Variants in DYNC2H1 observed in about 807,000 individuals in gnomAD.
DYNC2H1 encodes cytoplasmic dynein 2 heavy chain 1.
Under a neutral mutation model 570.0 loss-of-function variants are expected in DYNC2H1, and 410 were observed. The observed-to-expected ratio is 0.72, with a 90% CI of 0.66 to 0.78. The LOEUF is 0.78. Among genes scored for constraint, DYNC2H1 ranks in the 30% least tolerant of loss-of-function variants. DYNC2H1 has a pLI of 0.00. For synonymous variants in DYNC2H1, 1,688 were observed against 1,677.6 expected (o/e 1.01, Z -0.15); for missense variants, 4,865 against 5,046.4 (o/e 0.96, Z 1.09).
chr11:103,310,724 C>A (rs1434479218), intron 78 of DYNC2H1, among the ~76,000 whole-genome samples: 3 of 127,750 alleles, frequency 2.3e-5, no homozygotes, highest in African/African-American at 8.4e-5. Flanking sequence ...GCTCTGTGCC[C>A]AGGCTGGAGA....
In DYNC2H1 at chr11:103,177,352, T is replaced by C. The variant is rs1418729065; in HGVS notation, c.5875-204T>C. Among the ~76,000 whole-genome samples, 1 of 152,156 alleles carries C rather than the reference T, an allele frequency of 6.6e-6. No individual in the cohort carries two copies. Among genetic ancestry groups the C allele is most frequent in the East Asian group, 1.9e-4 (1 of 5,200 alleles). On this transcript the variant is annotated intron_variant, in intron 37 of 88. Coordinates refer to ENST00000375735, the MANE Select transcript of DYNC2H1 (RefSeq NM_001377.3). This position sits in a 1 kb window ranked among gnomAD's most constrained non-coding sequence, Gnocchi z 4.4. ...AACCTGGAAAGCACCTTTGTTTCTT[T>C]TAAAGAAATATTGAAGTATTTAAAG...
chr11:103,190,973 T>A (rs1349261875), intron 45 of DYNC2H1, among the ~76,000 whole-genome samples: 1 of 150,198 alleles, frequency 6.7e-6, no homozygotes, highest in Non-Finnish European at 1.5e-5. Flanking sequence ...TTTTTTTTTT[T>A]TTGGCCATCT....
chr11:103,348,946 A>G (rs1322137250), intron 82 of DYNC2H1, among the ~76,000 whole-genome samples: 2 of 152,066 alleles, frequency 1.3e-5, no homozygotes, highest in African/African-American at 4.8e-5. Context: ...CTCCTACTCC[A>G]TGTGAAGAAG....
Position 103,151,805 on chromosome 11 carries a change from C to A in DYNC2H1, c.2947-331C>A, listed in dbSNP as rs1006173587. On this transcript the variant is annotated intron_variant, in intron 20 of 88. Coordinates refer to ENST00000375735, the MANE Select transcript of DYNC2H1 (RefSeq NM_001377.3). This position sits in a 1 kb window ranked among gnomAD's most constrained non-coding sequence, Gnocchi z 4.6. ...TCTTTAGCATTTTCTTGTGAATGGA[C>A]CATTTATAATAAGAACTTTACTTTG... Among the ~76,000 whole-genome samples the A allele has an allele frequency of 2.6e-5, 4 of 151,984 alleles. No homozygotes were observed. Among genetic ancestry groups the A allele is most frequent in the African/African-American group, 9.7e-5 (4 of 41,382 alleles).
intron 82 of DYNC2H1, among the ~76,000 whole-genome samples, chr11:103,356,073 G>A (rs1940320948): frequency 6.6e-6 from 1 of 151,840 alleles, no homozygotes; most frequent in Non-Finnish European, 1.5e-5. Flanking sequence ...GTTAATTATG[G>A]GTAGAAAGTG....
At chr11:103,429,423 G>A (rs959525940) in intron 84 of DYNC2H1, among the ~76,000 whole-genome samples, 1 of 151,236 alleles carries the variant, frequency 6.6e-6, no homozygotes, top group Non-Finnish European at 1.5e-5. Context: ...TCCTTAGTTT[G>A]CTCATGTACC....
rs1228502667 is a variant in DYNC2H1 at position 103,177,307 on chromosome 11, A to G, written c.5875-249A>G. Among the ~76,000 whole-genome samples the G allele has an allele frequency of 6.6e-6, 1 of 152,158 alleles. No homozygotes were observed. The highest frequency in any genetic ancestry group is 1.9e-4 in the East Asian group (1 of 5,188). ...GCAAGTAACGAACATAATTGTTCATACAAGTTTTTTGAACTTGGAAACCTG... is the reference window on the plus strand; with the variant it reads ...GCAAGTAACGAACATAATTGTTCATGCAAGTTTTTTGAACTTGGAAACCTG... On this transcript the variant is annotated intron_variant, in intron 37 of 88. Coordinates refer to ENST00000375735, the MANE Select transcript of DYNC2H1 (RefSeq NM_001377.3). The surrounding 1 kb of genome is among the most constrained non-coding windows in gnomAD (Gnocchi z 4.4).
intron 82 of DYNC2H1, among the ~76,000 whole-genome samples, chr11:103,344,623 T>A (rs1939643399): frequency 6.6e-6 from 1 of 152,204 alleles, no homozygotes; most frequent in South Asian, 2.1e-4. Context: ...AAACAGACTG[T>A]TTTTGAGCAT....
At chr11:103,437,585 G>A (rs1944109515) in intron 85 of DYNC2H1, among the ~76,000 whole-genome samples, 1 of 152,112 alleles carries the variant, frequency 6.6e-6, no homozygotes, top group Non-Finnish European at 1.5e-5. Context: ...CTCTGATTTA[G>A]TCATCTTTCT....
At position 103,261,856 on chromosome 11, in the gene DYNC2H1, A is replaced by G. The variant is rs1023642590; in HGVS notation, c.10695+1879A>G. 6.6e-6 allele frequency among the ~76,000 whole-genome samples: 1 copy of G among 152,192 alleles called. No individual in the cohort carries two copies. The highest frequency in any genetic ancestry group is 1.5e-5 in the Non-Finnish European group (1 of 68,030). ...AACTGGACGGAGAATGAGTTTGATGAACTGACAGAAGTAGGCTTCAGAAGG... is the reference window on the plus strand; with the variant it reads ...AACTGGACGGAGAATGAGTTTGATGGACTGACAGAAGTAGGCTTCAGAAGG... On this transcript the variant is annotated intron_variant, in intron 70 of 88. Coordinates refer to ENST00000375735, the MANE Select transcript of DYNC2H1 (RefSeq NM_001377.3). This position sits in a 1 kb window ranked among gnomAD's most constrained non-coding sequence, Gnocchi z 4.8.
At chr11:103,195,442 T>C (rs534011641) in intron 47 of DYNC2H1, among the ~76,000 whole-genome samples, 1 of 152,324 alleles carries the variant, frequency 6.6e-6, no homozygotes, top group East Asian at 1.9e-4. Context: ...CTGAATTGCT[T>C]TTGCAGCTTT....
At position 103,211,941 on chromosome 11, in the gene DYNC2H1, C is replaced by G. The variant is rs1158593749; in HGVS notation, c.8692C>G (p.Gln2898Glu). ...ATTATTAAAAAGACAAAGTCATTTG[C>G]AGGTATAGTATTGGTAATCTTGAAT... ...KELLKRQSHL[Q>E]AGVSKLNEAK... is the part of the protein sequence containing the mutation. The change falls in exon 54 of 89, where the codon CAG becomes GAG. Residue 2898 changes from glutamine to glutamate, a missense_variant and splice_region_variant. Physicochemically the swap from Gln to Glu is conservative, Grantham distance 29 (BLOSUM62 2). This residue lies in a region of DYNC2H1 where 2,401 missense variants were observed against 2,454.6 expected (regional missense o/e 0.98). Transcript: ENST00000375735. 1.3e-6 allele frequency: 2 copies of G among 1,518,674 alleles called. No homozygotes were observed. The highest frequency in any genetic ancestry group is 1.4e-5 in the African/African-American group (1 of 72,000). 94.1% of individuals were successfully genotyped at this position (1,518,674 alleles called of 1,614,324 possible).
At chr11:103,399,175 C>G (rs1591684968) in intron 83 of DYNC2H1, among the ~76,000 whole-genome samples, 1 of 139,068 alleles carries the variant, frequency 7.2e-6, no homozygotes, top group African/African-American at 2.8e-5. Flanking sequence ...TGGAGTCTCA[C>G]TCTGTCGCCC....
At chr11:103,338,065 G>A (rs773206763) in intron 82 of DYNC2H1, among the ~76,000 whole-genome samples, 2 of 152,184 alleles carry the variant, frequency 1.3e-5, no homozygotes, top group Non-Finnish European at 2.9e-5. Context: ...TTGAGAGACA[G>A]CTGTCTAGTT....
intron 56 of DYNC2H1, 112 bp from the exon 57 acceptor site, chr11:103,220,511 A>G (rs931646936): frequency 2.0e-5 from 21 of 1,049,836 alleles, no homozygotes; most frequent in Non-Finnish European, 2.4e-5. Context: ...GAGAGAGAAC[A>G]TTAGTAACTA....
intron 21 of DYNC2H1, among the ~76,000 whole-genome samples, chr11:103,152,860 A>G (rs183349052): frequency 6.6e-6 from 1 of 152,292 alleles, no homozygotes; most frequent in African/African-American, 2.4e-5. Context: ...TGGAAGTTGC[A>G]CATATCTACT....
intron 84 of DYNC2H1, among the ~76,000 whole-genome samples, chr11:103,417,763 C>T (rs1943339188): frequency 1.3e-5 from 2 of 151,782 alleles, no homozygotes; most frequent in South Asian, 4.2e-4. Context: ...GTAATTCCAG[C>T]TACACAAGAG....
rs1864352960 is a variant in DYNC2H1 at position 103,239,682 on chromosome 11, C to CT, written c.9819+3145dup. ...GTGTGTGTGTGTGTGTGTGTGTAAC[C>CT]TTATTTATTTTATATTCTTGTTAAT... On this transcript the variant is annotated intron_variant, in intron 63 of 88. Coordinates refer to ENST00000375735, the MANE Select transcript of DYNC2H1 (RefSeq NM_001377.3). This position sits in a 1 kb window ranked among gnomAD's most constrained non-coding sequence, Gnocchi z 4.3. 6.8e-6 allele frequency among the ~76,000 whole-genome samples: 1 copy of CT among 146,030 alleles called. No individual in the cohort carries two copies. The highest frequency in any genetic ancestry group is 6.8e-5 in the Admixed American group (1 of 14,746).
At chr11:103,422,395 A>C (rs544886717) in intron 84 of DYNC2H1, among the ~76,000 whole-genome samples, 1 of 152,266 alleles carries the variant, frequency 6.6e-6, no homozygotes, top group African/African-American at 2.4e-5. Context: ...AAAAAAGAAA[A>C]TTTTAGGCCA....
Sources: allele counts gnomAD v4.1 joint callset (sites outside exome capture counted in the v4.1 genomes callset), GRCh38; gene constraint gnomAD v4.1.1; regional missense constraint gnomAD v4.1.1; non-coding constraint Gnocchi (gnomAD v3.1); transcripts MANE v1.5; gene names NCBI Gene and HGNC (gene_info 2026-07-23, HGNC 2026-07-21).